RAPGEF4: variants seen among roughly 807,000 people sequenced by gnomAD.
RAPGEF4 encodes Rap guanine nucleotide exchange factor 4.
A neutral mutation model predicts 147.9 loss-of-function variants in RAPGEF4; 66 were observed. The observed-to-expected ratio is 0.45, with a 90% CI of 0.37 to 0.55. The LOEUF (loss-of-function observed/expected upper bound fraction) is 0.55. Among genes scored for constraint, RAPGEF4 ranks in the 20% least tolerant of loss-of-function variants. The probability of loss-of-function intolerance (pLI) is 0.00; values close to 1 mark genes in which losing one functional copy is unlikely to be tolerated. For synonymous variants in RAPGEF4, 419 were observed against 442.7 expected, an observed-to-expected ratio of 0.95 and a Z score of 0.67; for missense variants, 1,071 against 1,257.3, an observed-to-expected ratio of 0.85 and a Z score of 2.24.
chr2:172,812,845 T>C (rs16860895), intron 3 of RAPGEF4, among the ~76,000 whole-genome samples: 17,553 of 152,202 alleles, frequency 0.12, 1,060 homozygotes, highest in South Asian at 0.18. Context: ...TTCCAGAGAA[T>C]TGTGAAAGTC....
intron 4 of RAPGEF4, among the ~76,000 whole-genome samples, chr2:172,840,163 T>C (rs1462154314): frequency 6.6e-6 from 1 of 152,224 alleles, no homozygotes; most frequent in Non-Finnish European, 1.5e-5. Context: ...ATGGCTTCTC[T>C]TCCATTAAGG....
chr2:172,960,813 G>T lies in RAPGEF4; in HGVS notation c.591G>T (p.Lys197Asn). The T allele has an allele frequency of 1.2e-6, 2 of 1,603,020 alleles. No homozygotes were observed. The highest frequency in any genetic ancestry group is 8.5e-7 in the Non-Finnish European group (1 of 1,173,298). Residue 197 changes from lysine to asparagine, a missense_variant and splice_region_variant, in exon 7 of 31, where the codon AAG becomes AAT. By Grantham distance (94) the Lys-to-Asn change is moderately conservative (BLOSUM62 0). Coordinates refer to ENST00000397081, the MANE Select transcript of RAPGEF4 (RefSeq NM_007023.4). ...VPLRPANTIT[K>N]VPSEKILRAG... is the part of the protein sequence containing the mutation. ...TTCGTCCTGCTAACACCATTACCAAGGTAATGGGATGTAGGTGGGTTGATG... is the reference window on the plus strand; with the variant it reads ...TTCGTCCTGCTAACACCATTACCAATGTAATGGGATGTAGGTGGGTTGATG...
At chr2:172,863,242 C>G (rs1052495166) in intron 4 of RAPGEF4, among the ~76,000 whole-genome samples, 1 of 151,698 alleles carries the variant, frequency 6.6e-6, no homozygotes, top group Non-Finnish European at 1.5e-5. Flanking sequence ...GACTTATAAA[C>G]TAAGAAAAGT....
At chr2:172,768,771 C>T (rs1477098464) in intron 1 of RAPGEF4, among the ~76,000 whole-genome samples, 1 of 152,206 alleles carries the variant, frequency 6.6e-6, no homozygotes, top group Non-Finnish European at 1.5e-5. Flanking sequence ...AAAAGCTCGA[C>T]ATTGGCCAAG....
At chr2:172,987,544 C>G (rs991643833) in intron 12 of RAPGEF4, among the ~76,000 whole-genome samples, 5 of 152,148 alleles carry the variant, frequency 3.3e-5, no homozygotes, top group African/African-American at 1.2e-4. Context: ...GGTTGTGTCT[C>G]TACTGAACAT....
At chr2:172,935,098 G>A (rs765355259) in intron 6 of RAPGEF4, among the ~76,000 whole-genome samples, 2 of 152,200 alleles carry the variant, frequency 1.3e-5, no homozygotes, top group South Asian at 2.1e-4. Flanking sequence ...GATGGCTTGA[G>A]CCTGAAGGGC....
chr2:172,956,068 C>A (rs140430008), intron 6 of RAPGEF4, among the ~76,000 whole-genome samples: 29 of 152,304 alleles, frequency 1.9e-4, no homozygotes, highest in Admixed American at 1.8e-3. Context: ...GGAGAGAGAT[C>A]GGATGCGGGA....
At chr2:173,002,186 T>C (rs552882800) in intron 17 of RAPGEF4, among the ~76,000 whole-genome samples, 3 of 152,268 alleles carry the variant, frequency 2.0e-5, no homozygotes, top group African/African-American at 7.2e-5. Flanking sequence ...CTGAGATAAA[T>C]ACAAGTTATC....
At chr2:173,014,088 G>A (rs995611420) in intron 17 of RAPGEF4, among the ~76,000 whole-genome samples, 3 of 152,124 alleles carry the variant, frequency 2.0e-5, no homozygotes, top group Admixed American at 6.5e-5. Context: ...AACCAACAAC[G>A]GGTGGAAATG....
chr2:173,043,222 A>G (rs1038842244), intron 29 of RAPGEF4, among the ~76,000 whole-genome samples: 1 of 152,260 alleles, frequency 6.6e-6, no homozygotes, highest in Non-Finnish European at 1.5e-5. Context: ...CCTATATTTG[A>G]TAGGCATAGG....
At chr2:172,969,340 A>T (rs1246204138) in intron 10 of RAPGEF4, among the ~76,000 whole-genome samples, 2 of 152,248 alleles carry the variant, frequency 1.3e-5, no homozygotes, top group Non-Finnish European at 2.9e-5. Context: ...AGGATTAAGC[A>T]ACTACTTATG....
chr2:172,879,365 T>C (rs1261926390), intron 4 of RAPGEF4, among the ~76,000 whole-genome samples: 1 of 152,190 alleles, frequency 6.6e-6, no homozygotes, highest in Non-Finnish European at 1.5e-5. Flanking sequence ...AAGCCATAGC[T>C]TTGTATATAT....
rs374435716 is a variant in RAPGEF4 at position 172,777,588 on chromosome 2, C to G, written c.66-17437C>G. Reference sequence around the variant, plus strand: ...GCTAATAACTTAAGAAGACCCCCCCCATGCTAAACTTTAGATCTCTTTCTA... The same window carrying G: ...GCTAATAACTTAAGAAGACCCCCCCGATGCTAAACTTTAGATCTCTTTCTA... On this transcript the variant is annotated intron_variant, in intron 1 of 30. Transcript: ENST00000397081. Among the ~76,000 whole-genome samples the G allele has an allele frequency of 6.6e-5, 10 of 152,276 alleles. 1 individual carries two copies. The highest frequency in any genetic ancestry group is 6.2e-4 in the South Asian group (3 of 4,826).
chr2:172,772,630 C>A (rs1472114192), intron 1 of RAPGEF4, among the ~76,000 whole-genome samples: 1 of 152,162 alleles, frequency 6.6e-6, no homozygotes, highest in Non-Finnish European at 1.5e-5. Flanking sequence ...AGGCATGAGC[C>A]ACCGCACCCA....
chr2:172,802,302 G>A (rs911100732), intron 3 of RAPGEF4, among the ~76,000 whole-genome samples: 3 of 152,204 alleles, frequency 2.0e-5, no homozygotes, highest in African/African-American at 7.2e-5. Context: ...AAAGAAATGA[G>A]TTTATTGGAC....
Position 172,736,062 on chromosome 2 carries a change from G to T in RAPGEF4, c.65+14G>T, listed in dbSNP as rs1202241869. 4.1e-6 allele frequency: 6 copies of T among 1,459,514 alleles called. No individual in the cohort carries two copies. The highest frequency in any genetic ancestry group is 5.4e-6 in the Non-Finnish European group (6 of 1,102,154). The allele number at this position is 1,459,514 out of a possible 1,614,324, so 90.4% of individuals were successfully genotyped here. On this transcript the variant is annotated intron_variant, in intron 1 of 30. Coordinates refer to ENST00000397081, the MANE Select transcript of RAPGEF4 (RefSeq NM_007023.4). ...CCTGGATAAAAGGTAGCTCGCCGGGGGCCGCAGCCGGGGGCCGAGCTCTGC... is the reference window on the plus strand; with the variant it reads ...CCTGGATAAAAGGTAGCTCGCCGGGTGCCGCAGCCGGGGGCCGAGCTCTGC...
At position 172,965,661 on chromosome 2, in the gene RAPGEF4, A is replaced by G. The variant is rs751258937; in HGVS notation, c.798A>G (p.Leu266=). 3 of 1,614,192 alleles carry G rather than the reference A, an allele frequency of 1.9e-6. No individual in the cohort carries two copies. The highest frequency in any genetic ancestry group is 2.5e-6 in the Non-Finnish European group (3 of 1,180,026). The change falls in exon 9 of 31, where the codon TTA becomes TTG. Residue 266 remains leucine, a synonymous_variant. Transcript: ENST00000397081. ...TQAVGMWQVL[L]EDGVLNHVDQ... ...CTGTTGGCATGTGGCAAGTCCTGTTAGAAGATGGTGTTCTCAACCACGGTA... is the reference window on the plus strand; with the variant it reads ...CTGTTGGCATGTGGCAAGTCCTGTTGGAAGATGGTGTTCTCAACCACGGTA...
Position 173,043,512 on chromosome 2 carries a change from C to T in RAPGEF4, c.2854-5088C>T, listed in dbSNP as rs541936733. 1.6e-4 allele frequency among the ~76,000 whole-genome samples: 25 copies of T among 152,268 alleles called. No homozygotes were observed. In the East Asian group the frequency reaches 3.5e-3, roughly 21 times the overall value. Reference sequence around the variant, plus strand: ...AGGTGGCGTGGCCTGGAGGGCCTGCCGGTCAGAACTTGAAGAATGAAGTCT... The same window carrying T: ...AGGTGGCGTGGCCTGGAGGGCCTGCTGGTCAGAACTTGAAGAATGAAGTCT... On this transcript the variant is annotated intron_variant, in intron 29 of 30. Coordinates refer to ENST00000397081, the MANE Select transcript of RAPGEF4 (RefSeq NM_007023.4).
chr2:172,826,870 G>A (rs1177346123), intron 4 of RAPGEF4, among the ~76,000 whole-genome samples: 1 of 151,938 alleles, frequency 6.6e-6, no homozygotes, highest in African/African-American at 2.4e-5. Flanking sequence ...AGGCTGAGGT[G>A]GGAGGATCAC....
Sources: gnomAD v4.1 joint callset for allele counts (sites outside exome capture counted in the v4.1 genomes callset) on GRCh38, gnomAD v4.1.1 for gene constraint, MANE v1.5 for transcripts, NCBI Gene and HGNC (gene_info 2026-07-23, HGNC 2026-07-21) for gene names.